Variants in TLR6 observed in about 807,000 individuals in gnomAD.
TLR6 encodes toll-like receptor 6.
Under a neutral mutation model 16.1 loss-of-function variants are expected in TLR6, and 9 were observed. The ratio of observed to expected loss-of-function variants is 0.56; its 90% CI spans 0.34 to 0.98. TLR6 has a LOEUF of 0.98. Among genes scored for constraint, TLR6 ranks in the 50% least tolerant of loss-of-function variants. The probability of loss-of-function intolerance (pLI) is 0.02; values close to 1 mark genes in which losing one functional copy is unlikely to be tolerated. For missense variants in TLR6, 786 were observed against 921.0 expected, an observed-to-expected ratio of 0.85 and a Z score of 1.90; for synonymous variants, 340 against 338.6, an observed-to-expected ratio of 1.00 and a Z score of -0.04.
intron 1 of TLR6, among the ~76,000 whole-genome samples, chr4:38,852,515 A>T (rs1013364129): frequency 6.6e-6 from 1 of 152,226 alleles, no homozygotes; most frequent in Non-Finnish European, 1.5e-5. Flanking sequence ...ATCTACAATG[A>T]ACTCAAACAA....
In TLR6 at chr4:38,834,132, C is replaced by T. The variant is rs186501993; in HGVS notation, c.-64-4595G>A. Among the ~76,000 whole-genome samples the T allele has an allele frequency of 1.3e-3, 200 of 150,554 alleles. 1 individual carries two copies. Among genetic ancestry groups the T allele is most frequent in the African/African-American group, 4.3e-3 (177 of 41,142 alleles). Reference sequence around the variant, plus strand: ...AGGCACCTGTAATCCCAGCTACTTGCGAGGCTGAGGCATGAGAATTGCTTG... The same window carrying T: ...AGGCACCTGTAATCCCAGCTACTTGTGAGGCTGAGGCATGAGAATTGCTTG... On this transcript the variant is annotated intron_variant, in intron 1 of 1. Transcript: ENST00000436693.
chr4:38,858,189 A>G (rs1012674020), upstream of TLR6, among the ~76,000 whole-genome samples: 3 of 152,184 alleles, frequency 2.0e-5, no homozygotes, highest in African/African-American at 7.2e-5. Flanking sequence ...AGAAACAGAC[A>G]GTACTGGGCC....
chr4:38,862,544 G>C, the TLR6 span, among the ~76,000 whole-genome samples: 3 of 149,274 alleles, frequency 2.0e-5, no homozygotes, highest in Non-Finnish European at 3.0e-5. Flanking sequence ...GCCTCCCAAA[G>C]TGCTGGGATT....
intron 1 of TLR6, among the ~76,000 whole-genome samples, chr4:38,834,747 T>G (rs1711816840): frequency 6.6e-6 from 1 of 152,146 alleles, no homozygotes; most frequent in African/African-American, 2.4e-5. Context: ...ATACTCAAAG[T>G]GCTGAAAGAA....
At chr4:38,852,842 A>T (rs1026389011) in intron 1 of TLR6, among the ~76,000 whole-genome samples, 2 of 152,198 alleles carry the variant, frequency 1.3e-5, no homozygotes, top group African/African-American at 4.8e-5. Context: ...AGGGATCTAG[A>T]ACTAGAAATA....
chr4:38,844,072 A>G (rs939147016), intron 1 of TLR6, among the ~76,000 whole-genome samples: 2 of 152,110 alleles, frequency 1.3e-5, no homozygotes, highest in Non-Finnish European at 2.9e-5. Flanking sequence ...TTTTCCTTCT[A>G]CGGACTGCCA....
chr4:38,848,327 T>C (rs1712622434), intron 1 of TLR6, among the ~76,000 whole-genome samples: 1 of 151,962 alleles, frequency 6.6e-6, no homozygotes, highest in Admixed American at 6.5e-5. Flanking sequence ...ACCACAAAGA[T>C]GGGGAAAAAA....
chr4:38,852,914 A>G (rs964957102), intron 1 of TLR6, among the ~76,000 whole-genome samples: 4 of 152,218 alleles, frequency 2.6e-5, no homozygotes, highest in African/African-American at 9.7e-5. Context: ...TCATGCTGCT[A>G]TAAAGATACA....
At chr4:38,863,881 G>A in the TLR6 span, among the ~76,000 whole-genome samples, 2 of 152,010 alleles carry the variant, frequency 1.3e-5, no homozygotes, top group Non-Finnish European at 2.9e-5. Flanking sequence ...AAGCCATAAG[G>A]GTGCCAGTCT....
At chr4:38,827,214 G>A in exon 2 of TLR6, 2 of 1,614,200 alleles carry the variant, frequency 1.2e-6, no homozygotes, top group Non-Finnish European at 1.7e-6. Flanking sequence ...TGCGTCATGA[G>A]AGCCTTCAGC....
rs1262201427 is a variant in TLR6, at chr4:38,827,079, T to A, written c.*4A>T. 2.6e-6 allele frequency: 4 copies of A among 1,563,150 alleles called. No individual in the cohort carries two copies. The African/African-American group carries it at 4.1e-5, about 16-fold the overall frequency. ...GTTTCTTAAGTTGAATTTCCTAAAT[T>A]TTTTTAAGATTTCACATCATTGTTT... On this transcript the variant is annotated 3_prime_UTR_variant, in exon 2 of 2. Coordinates refer to ENST00000436693, the Ensembl canonical transcript of TLR6.
At chr4:38,828,976 A>G (rs751499386) in exon 2 of TLR6, 1 of 1,613,868 alleles carries the variant, frequency 6.2e-7, no homozygotes, top group East Asian at 2.2e-5. Context: ...GCAAGTGAGC[A>G]ATTGGCAGCA....
the TLR6 span, chr4:38,867,905 G>A: frequency 4.9e-6 from 1 of 203,280 alleles, no homozygotes; most frequent in South Asian, 6.0e-5. Flanking sequence ...CGGCTGCCCG[G>A]GGGTGGTGGG....
the TLR6 span, among the ~76,000 whole-genome samples, chr4:38,863,313 T>A: frequency 2.0e-5 from 3 of 152,322 alleles, 1 homozygote; most frequent in South Asian, 6.2e-4. Flanking sequence ...CCCAGTCTCC[T>A]TCTGGGTCCT....
Position 38,828,748 on chromosome 4 carries a change from T to TA in TLR6, c.725dup (p.Leu242PhefsTer49). On this transcript the variant is annotated frameshift_variant, in exon 2 of 2. Coordinates refer to ENST00000436693, the Ensembl canonical transcript of TLR6. LOFTEE classifies it low-confidence loss of function (END_TRUNC). ...AGGTTGAACCTCTGGTGAGTTCTGA[T>TA]AAAAATTTAATGAAAACTTGACAGT... 1.2e-6 allele frequency: 2 copies of TA among 1,613,822 alleles called. No homozygotes were observed. The highest frequency in any genetic ancestry group is 1.7e-6 in the Non-Finnish European group (2 of 1,179,874).
chr4:38,828,904 A>G, exon 2 of TLR6: 1 of 1,610,444 alleles, frequency 6.2e-7, no homozygotes, highest in South Asian at 1.1e-5. Context: ...GAATTTGTAG[A>G]CTTTCTGTCT....
chr4:38,849,065 C>A (rs939291259), intron 1 of TLR6, among the ~76,000 whole-genome samples: 1 of 152,232 alleles, frequency 6.6e-6, no homozygotes, highest in South Asian at 2.1e-4. Flanking sequence ...GCCCATCAGA[C>A]TAACAGCTGA....
chr4:38,861,589 T>C (rs569584590), upstream of TLR6, among the ~76,000 whole-genome samples: 5 of 152,324 alleles, frequency 3.3e-5, no homozygotes, highest in African/African-American at 1.2e-4. Context: ...TACACTGAGC[T>C]TGAGTGGCTG....
chr4:38,858,163 A>G (rs1004262132), upstream of TLR6, among the ~76,000 whole-genome samples: 10 of 152,242 alleles, frequency 6.6e-5, no homozygotes, highest in African/African-American at 2.2e-4. Flanking sequence ...GATGGCAATG[A>G]CAGTTAAGCA....
Sources: gnomAD v4.1 joint callset for allele counts (sites outside exome capture counted in the v4.1 genomes callset) on GRCh38, gnomAD v4.1.1 for gene constraint, MANE v1.5 for transcripts, NCBI Gene and HGNC (gene_info 2026-07-23, HGNC 2026-07-21) for gene names.